The following SMARCA4 variants were observed in gnomAD, a reference collection of about 807,000 sequenced individuals.
SMARCA4 encodes SWI/SNF-related matrix-associated actin-dependent regulator of chromatin subfamily A member 4.
Under a neutral mutation model 193.9 loss-of-function variants are expected in SMARCA4, and 31 were observed. That is an observed-to-expected ratio of 0.16 (90% CI 0.12 to 0.22). The LOEUF (loss-of-function observed/expected upper bound fraction) is 0.22. Among genes scored for constraint, SMARCA4 ranks in the 10% least tolerant of loss-of-function variants. The probability of loss-of-function intolerance (pLI) is 1.00; values close to 1 mark genes in which losing one functional copy is unlikely to be tolerated. For missense variants in SMARCA4, 1,148 were observed against 2,296.0 expected, an observed-to-expected ratio of 0.50 and a Z score of 10.22; for synonymous variants, 942 against 933.1, an observed-to-expected ratio of 1.01 and a Z score of -0.17.
intron 11 of SMARCA4, among the ~76,000 whole-genome samples, chr19:11,002,507 TA>T (rs142594470): frequency 0.034 from 4,996 of 148,786 alleles, 126 homozygotes; most frequent in Non-Finnish European, 0.041. Context: ...AAATAAAAAA[TA>T]AAAATGGGCC....
intron 11 of SMARCA4, among the ~76,000 whole-genome samples, chr19:10,996,929 C>T (rs1403910999): frequency 2.0e-5 from 3 of 152,070 alleles, no homozygotes; most frequent in East Asian, 1.9e-4. Flanking sequence ...ATTGCAGTGG[C>T]GGATGGCTCA....
rs2146358495 is a variant in SMARCA4, at chr19:11,018,938, C to T, written c.2439-19C>T. ...TGATGAGAGACCGGCACTTGACTCT[C>T]ATTTCCTTGTTCCATCAGAACGCTG... On this transcript the variant is annotated intron_variant, in intron 16 of 34. Coordinates refer to ENST00000344626, the MANE Select transcript of SMARCA4 (RefSeq NM_003072.5). The T allele has an allele frequency of 1.2e-6, 2 of 1,610,314 alleles. No homozygotes were observed. The highest frequency in any genetic ancestry group is 1.1e-5 in the South Asian group (1 of 91,010).
chr19:10,992,637 G>A (rs934904325), intron 8 of SMARCA4, among the ~76,000 whole-genome samples: 37 of 151,732 alleles, frequency 2.4e-4, no homozygotes, highest in African/African-American at 7.3e-4. Flanking sequence ...TGCCCAGGCC[G>A]GAGTGCAGTG....
intron 7 of SMARCA4, among the ~76,000 whole-genome samples, 182 bp downstream of exon 7, chr19:10,989,625 G>A (rs1160775484): frequency 6.6e-6 from 1 of 152,170 alleles, no homozygotes; most frequent in African/African-American, 2.4e-5. Context: ...CGCAGTGCTG[G>A]GGACGTGGAC....
intron 30 of SMARCA4, among the ~76,000 whole-genome samples, chr19:11,052,191 C>T (rs2076299862): frequency 6.6e-6 from 1 of 152,128 alleles, no homozygotes; most frequent in Admixed American, 6.5e-5. Context: ...GAAATAAGGT[C>T]AGGAGACAAG....
At chr19:11,025,044 C>T (rs1228982530) in intron 21 of SMARCA4, among the ~76,000 whole-genome samples, 1 of 148,708 alleles carries the variant, frequency 6.7e-6, no homozygotes. Context: ...AGTCATGGCT[C>T]ACCCGGCTGA....
chr19:10,995,353 G>A (rs898846182), intron 9 of SMARCA4: 3 of 487,740 alleles, frequency 6.2e-6, no homozygotes, highest in Middle Eastern at 3.1e-4. Context: ...TGACTGAGTC[G>A]CTGGTTGGGC....
chr19:10,989,978 A>G (rs574069607), intron 7 of SMARCA4, among the ~76,000 whole-genome samples: 12 of 152,066 alleles, frequency 7.9e-5, no homozygotes, highest in Non-Finnish European at 1.0e-4. Context: ...GATTACAGGC[A>G]TGAGCCACCA....
intron 30 of SMARCA4, among the ~76,000 whole-genome samples, chr19:11,047,153 A>G (rs2075978779): frequency 1.3e-5 from 2 of 151,878 alleles, no homozygotes; most frequent in African/African-American, 2.4e-5. Context: ...ATTCTCTAGG[A>G]CCCCGAGAGC....
intron 13 of SMARCA4, among the ~76,000 whole-genome samples, chr19:11,003,711 ATT>A (rs1163471174): frequency 9.6e-5 from 13 of 135,786 alleles, no homozygotes; most frequent in Non-Finnish European, 1.3e-4. Context: ...TCATTTGCCC[ATT>A]TTTTTTTTTT....
intron 11 of SMARCA4, among the ~76,000 whole-genome samples, chr19:11,000,804 G>A (rs1007495809): frequency 3.3e-5 from 5 of 151,598 alleles, no homozygotes; most frequent in Non-Finnish European, 7.4e-5. Flanking sequence ...CTTAAACCCG[G>A]GAGGCGGATC....
At chr19:11,020,999 A>G (rs2089818558) in intron 18 of SMARCA4, 2 of 156,530 alleles carry the variant, frequency 1.3e-5, no homozygotes, top group South Asian at 1.9e-4. Context: ...GGAGCCAACA[A>G]GGGAGGAAAC....
At chr19:10,995,798 G>A (rs955600106) in intron 9 of SMARCA4, 61 of 360,970 alleles carry the variant, frequency 1.7e-4, no homozygotes, top group Admixed American at 1.5e-4. Flanking sequence ...TGATCATGAA[G>A]GGGAGCCTCA....
At position 11,034,584 on chromosome 19, in the gene SMARCA4, C is replaced by T. The variant is rs2075147930; in HGVS notation, c.3952-330C>T. 6.6e-6 allele frequency among the ~76,000 whole-genome samples: 1 copy of T among 152,204 alleles called. No homozygotes were observed. Among genetic ancestry groups the T allele is most frequent in the Admixed American group, 6.5e-5 (1 of 15,288 alleles). ...GGGTGGGAAACAGGAAATAAGCCACCCAAGCAGGGGCCCCTTGGCCCGCAG... is the reference window on the plus strand; with the variant it reads ...GGGTGGGAAACAGGAAATAAGCCACTCAAGCAGGGGCCCCTTGGCCCGCAG... On this transcript the variant is annotated intron_variant, in intron 28 of 34. Coordinates refer to ENST00000344626, the MANE Select transcript of SMARCA4 (RefSeq NM_003072.5). The surrounding 1 kb of genome is among the most constrained non-coding windows in gnomAD (Gnocchi z 7.0).
chr19:11,002,888 T>C (rs889851499), intron 11 of SMARCA4, 141 bp from the exon 12 acceptor site: 1 of 810,094 alleles, frequency 1.2e-6, no homozygotes, highest in Admixed American at 1.9e-5. Flanking sequence ...GTATACAGTT[T>C]ACGCATTTTC....
At chr19:10,965,484 T>C (rs2145426126) in intron 1 of SMARCA4, among the ~76,000 whole-genome samples, 1 of 152,358 alleles carries the variant, frequency 6.6e-6, no homozygotes, top group South Asian at 2.1e-4. Context: ...TTCTGTATGT[T>C]TCAAAGTGGT....
chr19:11,010,653 A>C (rs2088741194), intron 15 of SMARCA4, 122 bp downstream of exon 15: 2 of 922,728 alleles, frequency 2.2e-6, no homozygotes, highest in Non-Finnish European at 1.8e-6. Context: ...TGGGCAATGC[A>C]CTCTTCCCCT....
At chr19:11,002,812 A>G (rs896268966) in intron 11 of SMARCA4, among the ~76,000 whole-genome samples, 108 of 150,932 alleles carry the variant, frequency 7.2e-4, no homozygotes, top group African/African-American at 2.4e-3. Context: ...AAAAAAAAAA[A>G]AAAAAAAAAG....
rs771614588 is a variant in SMARCA4 at position 11,035,147 on chromosome 19, G to T, written c.4170+15G>T. ...AGTGGCTCAAGGTACATGCTGGAGA[G>T]GCCCAGCAGCTGCCGCAGGCCAGCG... On this transcript the variant is annotated intron_variant, in intron 29 of 34. Transcript: ENST00000344626. 45 of 1,605,114 alleles carry T rather than the reference G, an allele frequency of 2.8e-5. No homozygotes were observed. Among genetic ancestry groups the T allele is most frequent in the Middle Eastern group, 1.7e-4 (1 of 5,758 alleles).
Sources: gnomAD v4.1 joint callset for allele counts (sites outside exome capture counted in the v4.1 genomes callset) on GRCh38, gnomAD v4.1.1 for gene constraint, Gnocchi (gnomAD v3.1) non-coding constraint, MANE v1.5 for transcripts, NCBI Gene and HGNC (gene_info 2026-07-23, HGNC 2026-07-21) for gene names.